KCNH7: variants seen among roughly 807,000 people sequenced by gnomAD.
KCNH7 encodes the protein voltage-gated inwardly rectifying potassium channel KCNH7.
Under a neutral mutation model 120.8 loss-of-function variants are expected in KCNH7, and 49 were observed. The observed-to-expected ratio is 0.41, with a 90% confidence interval of 0.32 to 0.51. The LOEUF is 0.51. Ranked by LOEUF, KCNH7 falls within the 20% of genes least tolerant of loss-of-function variation. The pLI is 0.38. For synonymous variants in KCNH7, 547 were observed against 516.1 expected, an observed-to-expected ratio of 1.06 and a Z score of -0.81; for missense variants, 1,097 against 1,446.6, an observed-to-expected ratio of 0.76 and a Z score of 3.92.
intron 2 of KCNH7, among the ~76,000 whole-genome samples, chr2:162,732,413 C>T (rs1377975105): frequency 6.6e-6 from 1 of 152,116 alleles, no homozygotes; most frequent in Non-Finnish European, 1.5e-5. Context: ...TCTCTTTCTT[C>T]AAAAGGTATA....
intron 2 of KCNH7, among the ~76,000 whole-genome samples, chr2:162,717,081 G>A (rs1011099360): frequency 6.6e-6 from 1 of 152,034 alleles, no homozygotes; most frequent in Non-Finnish European, 1.5e-5. Context: ...AGAAATAACT[G>A]CATGGGAAGC....
At chr2:162,800,058 A>G (rs1390418679) in intron 2 of KCNH7, among the ~76,000 whole-genome samples, 1 of 151,852 alleles carries the variant, frequency 6.6e-6, no homozygotes, top group Non-Finnish European at 1.5e-5. Context: ...TTTATAAGAT[A>G]AAAGATTTCT....
At chr2:162,519,361 A>G (rs1453521843) in intron 3 of KCNH7, among the ~76,000 whole-genome samples, 1 of 151,894 alleles carries the variant, frequency 6.6e-6, no homozygotes, top group Non-Finnish European at 1.5e-5. Context: ...TATAACGTTA[A>G]GTAAAAAAAG....
At position 162,606,131 on chromosome 2, in the gene KCNH7, A is replaced by G. The variant is rs374862779; in HGVS notation, c.308-69051T>C. Among the ~76,000 whole-genome samples the G allele has an allele frequency of 1.1e-4, 17 of 152,264 alleles. No homozygotes were observed. In the East Asian group the frequency reaches 2.3e-3, roughly 21 times the overall value. Reference sequence around the variant, plus strand: ...GCAGTGGCTGATTACATAGTGGAAGATAATTCCTTTGTGTATAAATAAATC... The same window carrying G: ...GCAGTGGCTGATTACATAGTGGAAGGTAATTCCTTTGTGTATAAATAAATC... On this transcript the variant is annotated intron_variant, in intron 2 of 15. Transcript: ENST00000332142.
chr2:162,533,001 T>C (rs1691981561), intron 3 of KCNH7, among the ~76,000 whole-genome samples: 1 of 151,872 alleles, frequency 6.6e-6, no homozygotes, highest in Non-Finnish European at 1.5e-5. Context: ...AAGAAAAGGA[T>C]TATAAGCTAT....
At chr2:162,816,286 CAAAG>C (rs1037255289) in intron 2 of KCNH7, among the ~76,000 whole-genome samples, 2 of 112,620 alleles carry the variant, frequency 1.8e-5, no homozygotes, top group Non-Finnish European at 3.8e-5. Context: ...AAAAAAAAGA[CAAAG>C]AAAGAAAGAA....
intron 5 of KCNH7, among the ~76,000 whole-genome samples, chr2:162,508,107 G>T (rs1050756745): frequency 3.3e-5 from 5 of 151,374 alleles, no homozygotes; most frequent in Non-Finnish European, 7.4e-5. Flanking sequence ...TGATATTTTA[G>T]AAATAGGTTA....
chr2:162,564,277 T>C (rs1693171295), intron 2 of KCNH7, among the ~76,000 whole-genome samples: 2 of 111,962 alleles, frequency 1.8e-5, no homozygotes, highest in Non-Finnish European at 3.6e-5. Flanking sequence ...TTCTGTCTGA[T>C]TTATAGATAT....
intron 2 of KCNH7, among the ~76,000 whole-genome samples, chr2:162,834,813 C>A (rs970001024): frequency 1.4e-4 from 21 of 152,054 alleles, no homozygotes; most frequent in African/African-American, 5.1e-4. Context: ...GAAAGATATA[C>A]CTAGTATTTG....
intron 6 of KCNH7, among the ~76,000 whole-genome samples, chr2:162,458,781 G>A (rs963493912): frequency 4.6e-5 from 7 of 152,020 alleles, no homozygotes; most frequent in East Asian, 1.9e-4. Flanking sequence ...ACAGGAGGAC[G>A]TCTTCGGCAG....
At chr2:162,627,981 TA>T (rs1452957616) in intron 2 of KCNH7, among the ~76,000 whole-genome samples, 3 of 152,018 alleles carry the variant, frequency 2.0e-5, no homozygotes, top group Admixed American at 2.0e-4. Context: ...TAAAATTGAA[TA>T]AAAATAAAGA....
chr2:162,612,581 A>T (rs2105974205), intron 2 of KCNH7, among the ~76,000 whole-genome samples: 1 of 152,270 alleles, frequency 6.6e-6, no homozygotes, highest in South Asian at 2.1e-4. Flanking sequence ...AGGAAATGAC[A>T]CATCTTAGGA....
intron 2 of KCNH7, among the ~76,000 whole-genome samples, chr2:162,779,792 A>G (rs1357155187): frequency 6.6e-6 from 1 of 151,832 alleles, no homozygotes; most frequent in Non-Finnish European, 1.5e-5. Context: ...ATTTTGCTCA[A>G]CTCCGTGTCA....
intron 2 of KCNH7, among the ~76,000 whole-genome samples, chr2:162,589,797 T>C (rs182734279): frequency 1.3e-5 from 2 of 152,222 alleles, no homozygotes; most frequent in Admixed American, 1.3e-4. Context: ...GGGTGGCTTC[T>C]AATACAAAAA....
intron 2 of KCNH7, among the ~76,000 whole-genome samples, chr2:162,685,726 A>T (rs1004236287): frequency 1.3e-5 from 2 of 151,980 alleles, no homozygotes; most frequent in Non-Finnish European, 2.9e-5. Flanking sequence ...AAAAAAAAAA[A>T]GTCAGAGTGG....
chr2:162,427,549 T>A (rs545150199), intron 8 of KCNH7, among the ~76,000 whole-genome samples: 3 of 152,120 alleles, frequency 2.0e-5, no homozygotes, highest in African/African-American at 7.2e-5. Flanking sequence ...AATTGAGTTG[T>A]CTTCTTATTA....
At chr2:162,720,482 T>C (rs1419920920) in intron 2 of KCNH7, among the ~76,000 whole-genome samples, 1 of 151,950 alleles carries the variant, frequency 6.6e-6, no homozygotes, top group Non-Finnish European at 1.5e-5. Flanking sequence ...CAGCTCTATT[T>C]TTAAAAAATC....
chr2:162,415,837 C>T (rs1687526651), intron 9 of KCNH7, among the ~76,000 whole-genome samples: 1 of 152,014 alleles, frequency 6.6e-6, no homozygotes, highest in South Asian at 2.1e-4. Flanking sequence ...GTTATGTAAC[C>T]TAGTCCTTTT....
At chr2:162,532,880 G>T (rs545364381) in intron 3 of KCNH7, among the ~76,000 whole-genome samples, 2 of 152,010 alleles carry the variant, frequency 1.3e-5, no homozygotes, top group South Asian at 4.1e-4. Flanking sequence ...GTCAAGTGAT[G>T]TTATTTTAAA....
Sources: gnomAD v4.1 joint callset for allele counts (sites outside exome capture counted in the v4.1 genomes callset) on GRCh38, gnomAD v4.1.1 for gene constraint, MANE v1.5 for transcripts, NCBI Gene and HGNC (gene_info 2026-07-23, HGNC 2026-07-21) for gene names.